The following NDST1 variants were observed in gnomAD, a reference collection of about 807,000 sequenced individuals.
The protein encoded by NDST1 is N-deacetylase and N-sulfotransferase 1.
NDST1 carries 35 observed loss-of-function variants against 92.8 expected under a neutral mutation model. That is an observed-to-expected ratio of 0.38 (90% CI 0.29 to 0.50). The LOEUF is 0.50. Among genes scored for constraint, NDST1 ranks in the 20% least tolerant of loss-of-function variants. The probability of loss-of-function intolerance (pLI) is 0.94; values close to 1 mark genes in which losing one functional copy is unlikely to be tolerated. For synonymous variants in NDST1, 493 were observed against 500.3 expected (o/e 0.99, Z 0.19); for missense variants, 822 against 1,182.7 (o/e 0.69, Z 4.47).
chr5:150,533,163 G>GC, intron 4 of NDST1, 131 bp downstream of exon 4: 1 of 902,714 alleles, frequency 1.1e-6, no homozygotes, highest in South Asian at 1.3e-5. Flanking sequence ...TGACCCCTCT[G>GC]CCCCCGTGGA....
chr5:150,507,534 C>A (rs1402526894), upstream of NDST1: 1 of 152,358 alleles, frequency 6.6e-6, no homozygotes, highest in African/African-American at 2.4e-5. Flanking sequence ...TGGATTCTTA[C>A]ACCCTCCACA....
intron 5 of NDST1, chr5:150,535,422 C>T: frequency 1.0e-6 from 1 of 980,034 alleles, no homozygotes; most frequent in African/African-American, 1.7e-5. Flanking sequence ...TTGTCCCTCA[C>T]TACAGGGTAC....
At chr5:150,535,152 A>C in intron 5 of NDST1, 131 bp downstream of exon 5, 1 of 1,387,104 alleles carries the variant, frequency 7.2e-7, no homozygotes, top group Non-Finnish European at 9.8e-7. Flanking sequence ...GCCAGGGCCA[A>C]GGGAGAGCTG....
chr5:150,553,243 G>T lies in NDST1; in HGVS notation c.2560G>T (p.Asp854Tyr). The change falls in exon 15 of 15, where the codon GAC (aspartate) becomes TAC (tyrosine). Residue 854 changes from aspartate (D) to tyrosine (Y), a missense_variant. Asp to Tyr is a radical substitution (Grantham distance 160). Transcript: ENST00000261797. This position sits in a 1 kb window ranked among gnomAD's most constrained non-coding sequence, Gnocchi z 4.2. ...SRAFLKDYYR[D>Y]HNIELSKLLY... ...AGCCTTCCTGAAGGACTATTACCGG[G>T]ACCACAACATCGAGCTCTCCAAGCT... 6.2e-7 allele frequency: 1 copy of T among 1,613,774 alleles called. No homozygotes were observed. Among genetic ancestry groups the T allele is most frequent in the South Asian group, 1.1e-5 (1 of 91,064 alleles).
At chr5:150,545,712 CG>C (rs918190770) in intron 11 of NDST1, among the ~76,000 whole-genome samples, 2 of 152,226 alleles carry the variant, frequency 1.3e-5, no homozygotes, top group African/African-American at 4.8e-5. Context: ...TAGTGTCATG[CG>C]GGGTCCTGCC....
chr5:150,533,104 A>C, intron 4 of NDST1, 72 bp downstream of exon 4: 4 of 1,427,970 alleles, frequency 2.8e-6, no homozygotes, highest in Non-Finnish European at 4.0e-6. Flanking sequence ...CAAAGCACCC[A>C]TCCATGAGGG....
At chr5:150,523,032 T>C (rs1022016392) in intron 2 of NDST1, among the ~76,000 whole-genome samples, 2 of 152,206 alleles carry the variant, frequency 1.3e-5, no homozygotes, top group African/African-American at 4.8e-5. Context: ...ACTTGCGCAC[T>C]GGGCCCTGTC....
chr5:150,517,016 TG>T (rs1754005934), intron 1 of NDST1, among the ~76,000 whole-genome samples: 6 of 144,806 alleles, frequency 4.1e-5, no homozygotes, highest in Admixed American at 2.1e-4. Flanking sequence ...TGTGTGTGTG[TG>T]TATGGCTTTA....
upstream of NDST1, among the ~76,000 whole-genome samples, chr5:150,507,855 T>A (rs1753532094): frequency 6.6e-6 from 1 of 152,220 alleles, no homozygotes; most frequent in Non-Finnish European, 1.5e-5. Flanking sequence ...TGCTTTTTCC[T>A]TTCCCGTGGA....
intron 11 of NDST1, 147 bp from the exon 12 acceptor site, chr5:150,548,071 C>A: frequency 2.3e-6 from 2 of 872,794 alleles, no homozygotes; most frequent in South Asian, 1.4e-5. Flanking sequence ...TGACACTGGA[C>A]ACAGTGAGAG....
chr5:150,526,374 T>A (rs1273094795), intron 2 of NDST1, among the ~76,000 whole-genome samples: 3 of 152,254 alleles, frequency 2.0e-5, no homozygotes, highest in African/African-American at 7.2e-5. Context: ...ACTGTATCAC[T>A]GGCACTTAAA....
chr5:150,549,994 A>G (rs1195641417), intron 13 of NDST1, among the ~76,000 whole-genome samples: 1 of 152,140 alleles, frequency 6.6e-6, no homozygotes, highest in African/African-American at 2.4e-5. Flanking sequence ...TGGTCAGACC[A>G]TCCTGGGGTC....
At position 150,539,432 on chromosome 5, in the gene NDST1, C is replaced by G. The variant is rs1242393407; in HGVS notation, c.1566+76C>G. ...CCTGTCTGCAGCTGACACAGGCTTC[C>G]TGGAGCCAGGAAAGGGTGGAGAGGC... On this transcript the variant is annotated intron_variant, in intron 7 of 14. Coordinates refer to ENST00000261797, the MANE Select transcript of NDST1 (RefSeq NM_001543.5). 1.9e-6 allele frequency: 3 copies of G among 1,609,308 alleles called. No homozygotes were observed. The South Asian group carries it at 3.3e-5, about 18-fold the overall frequency.
At chr5:150,507,331 C>T (rs1021423045), upstream of NDST1, among the ~76,000 whole-genome samples, 2 of 151,896 alleles carry the variant, frequency 1.3e-5, no homozygotes, top group Non-Finnish European at 2.9e-5. Flanking sequence ...TTGCCTTGTG[C>T]TCTCCTTGGC....
At position 150,544,447 on chromosome 5, in the gene NDST1, G is replaced by A. The variant is rs186244092; in HGVS notation, c.1971-865G>A. ...AAGATGAGAGAAGACGTAATTCCTT[G>A]GCCCAATTCCCAAGAGCTTGATTTT... On this transcript the variant is annotated intron_variant, in intron 10 of 14. Transcript: ENST00000261797. 6.4e-3 allele frequency among the ~76,000 whole-genome samples: 982 copies of A among 152,272 alleles called. 14 individuals carry two copies. Among genetic ancestry groups the A allele is most frequent in the African/African-American group, 0.022 (911 of 41,558 alleles).
intron 1 of NDST1, among the ~76,000 whole-genome samples, chr5:150,500,941 G>A (rs2151234232): frequency 6.6e-6 from 1 of 152,346 alleles, no homozygotes; most frequent in Non-Finnish European, 1.5e-5. Flanking sequence ...CAGGGGCAGT[G>A]GCAGATCATC....
chr5:150,539,990 A>G, intron 7 of NDST1, 92 bp from the exon 8 acceptor site: 4 of 1,505,016 alleles, frequency 2.7e-6, no homozygotes, highest in Non-Finnish European at 3.7e-6. Context: ...GAGCCTTGCA[A>G]GCTAAGGCAG....
chr5:150,545,480 G>C lies in NDST1; in HGVS notation c.2139G>C (p.Trp713Cys). The change falls in exon 11 of 15, where the codon TGG becomes TGC. Residue 713 changes from tryptophan (W) to cysteine (C), a missense_variant. Trp to Cys is a radical substitution (Grantham distance 215). Coordinates refer to ENST00000261797, the MANE Select transcript of NDST1 (RefSeq NM_001543.5). ...LINPADRAYS[W>C]YQHQRAHDDP... ...ACCCCGCGGACCGGGCCTATTCCTG[G>C]TACCAGGTGAGTGGGGCTGGGGTGG... is the stretch of plus-strand genomic sequence containing the variant. The C allele has an allele frequency of 6.2e-7, 1 of 1,614,234 alleles. No homozygotes were observed. Among genetic ancestry groups the C allele is most frequent in the Non-Finnish European group, 8.5e-7 (1 of 1,180,046 alleles).
intron 9 of NDST1, among the ~76,000 whole-genome samples, 154 bp downstream of exon 9, chr5:150,541,820 G>A (rs1246641732): frequency 6.6e-6 from 1 of 152,150 alleles, no homozygotes; most frequent in Non-Finnish European, 1.5e-5. Flanking sequence ...CAAATTGCCT[G>A]TCAGTATGGA....
Sources: gnomAD v4.1 joint callset for allele counts (sites outside exome capture counted in the v4.1 genomes callset) on GRCh38, gnomAD v4.1.1 for gene constraint, Gnocchi (gnomAD v3.1) non-coding constraint, MANE v1.5 for transcripts, NCBI Gene and HGNC (gene_info 2026-07-23, HGNC 2026-07-21) for gene names.